PTPRM: variants seen among roughly 807,000 people sequenced by gnomAD.
PTPRM encodes the protein protein tyrosine phosphatase receptor type M.
A neutral mutation model predicts 186.7 loss-of-function variants in PTPRM; 47 were observed. That is an observed-to-expected ratio of 0.25 (90% confidence interval 0.20 to 0.32). The LOEUF is 0.32. Among genes scored for constraint, PTPRM ranks in the 10% least tolerant of loss-of-function variants. The pLI is 1.00. For missense variants in PTPRM, 1,494 were observed against 1,865.0 expected, an observed-to-expected ratio of 0.80 and a Z score of 3.66; for synonymous variants, 668 against 674.9, an observed-to-expected ratio of 0.99 and a Z score of 0.16.
chr18:7,878,750 G>A (rs1407172410), intron 2 of PTPRM, among the ~76,000 whole-genome samples: 2 of 151,780 alleles, frequency 1.3e-5, no homozygotes, highest in African/African-American at 4.8e-5. Flanking sequence ...TTTTTCACAT[G>A]TGGAAAAAAA....
intron 32 of PTPRM, among the ~76,000 whole-genome samples, chr18:8,400,580 T>C (rs2095867043): frequency 6.6e-6 from 1 of 152,182 alleles, no homozygotes; most frequent in Non-Finnish European, 1.5e-5. Context: ...TGCAGTGCCA[T>C]GCGGCGGTGT....
chr18:8,114,397 T>A (rs1453110252), intron 12 of PTPRM, among the ~76,000 whole-genome samples: 2 of 152,180 alleles, frequency 1.3e-5, no homozygotes, highest in East Asian at 3.9e-4. Flanking sequence ...GCAGCATAGG[T>A]CTAGGTATCG....
chr18:7,594,767 C>CT (rs59558729), intron 1 of PTPRM, among the ~76,000 whole-genome samples: 18,628 of 152,066 alleles, frequency 0.12, 2,132 homozygotes, highest in African/African-American at 0.3. Flanking sequence ...ATAATGTGTG[C>CT]TTTTTAAAAA....
chr18:8,347,806 A>G (rs1347957862), intron 23 of PTPRM, among the ~76,000 whole-genome samples: 1 of 151,238 alleles, frequency 6.6e-6, no homozygotes, highest in Non-Finnish European at 1.5e-5. Context: ...AAGGTTATTA[A>G]AAAAAAAAAT....
At chr18:8,036,781 C>T (rs760591791) in intron 7 of PTPRM, among the ~76,000 whole-genome samples, 14 of 152,224 alleles carry the variant, frequency 9.2e-5, no homozygotes, top group Non-Finnish European at 2.9e-5. Context: ...TTAATTTGGG[C>T]GCTTCGCTTG....
At chr18:7,828,814 T>TA (rs2145696736) in intron 2 of PTPRM, among the ~76,000 whole-genome samples, 1 of 152,322 alleles carries the variant, frequency 6.6e-6, no homozygotes, top group South Asian at 2.1e-4. Context: ...CTGTGCTGCA[T>TA]ATATTTAGTG....
intron 1 of PTPRM, among the ~76,000 whole-genome samples, chr18:7,623,735 T>A (rs542803343): frequency 6.6e-6 from 1 of 152,246 alleles, no homozygotes; most frequent in East Asian, 1.9e-4. Context: ...TAAAAATAAC[T>A]CTTATTCACA....
chr18:8,029,251 G>T (rs2085783122), intron 7 of PTPRM, among the ~76,000 whole-genome samples: 1 of 145,670 alleles, frequency 6.9e-6, no homozygotes, highest in Non-Finnish European at 1.5e-5. Flanking sequence ...TGCCTGGAGT[G>T]CCTCCCCCAC....
At chr18:8,205,342 A>T (rs1344869171) in intron 14 of PTPRM, among the ~76,000 whole-genome samples, 1 of 152,132 alleles carries the variant, frequency 6.6e-6, no homozygotes, top group African/African-American at 2.4e-5. Context: ...CATCCCTATT[A>T]TCCCTACATA....
At chr18:8,022,664 G>A (rs1274938963) in intron 7 of PTPRM, among the ~76,000 whole-genome samples, 5 of 151,942 alleles carry the variant, frequency 3.3e-5, no homozygotes, top group East Asian at 1.9e-4. Flanking sequence ...TCCTAACTGC[G>A]CTCCTATTGA....
At chr18:8,014,406 T>G (rs76583273) in intron 7 of PTPRM, among the ~76,000 whole-genome samples, 3,546 of 152,280 alleles carry the variant, frequency 0.023, 138 homozygotes, top group African/African-American at 0.081. Context: ...CCTGGATTAG[T>G]GAATTGTTAA....
chr18:7,687,408 CTT>C (rs1216614077), intron 1 of PTPRM, among the ~76,000 whole-genome samples: 1 of 152,050 alleles, frequency 6.6e-6, no homozygotes, highest in Non-Finnish European at 1.5e-5. Context: ...AATGTAATGA[CTT>C]TACCTATGGT....
At chr18:7,898,051 A>G (rs1341436647) in intron 3 of PTPRM, among the ~76,000 whole-genome samples, 3 of 152,214 alleles carry the variant, frequency 2.0e-5, no homozygotes, top group African/African-American at 7.2e-5. Flanking sequence ...TAACATGTCA[A>G]TACAAACACA....
chr18:8,153,162 C>T (rs1408845242), intron 14 of PTPRM, among the ~76,000 whole-genome samples: 1 of 152,214 alleles, frequency 6.6e-6, no homozygotes, highest in Non-Finnish European at 1.5e-5. Context: ...GACATCCAAA[C>T]TAAACATTTT....
At chr18:8,043,017 C>G (rs1196010761) in intron 7 of PTPRM, among the ~76,000 whole-genome samples, 1 of 152,214 alleles carries the variant, frequency 6.6e-6, no homozygotes, top group Admixed American at 6.5e-5. Flanking sequence ...CCTCAGCCCT[C>G]TGTTCCCCAC....
At chr18:8,039,201 T>C (rs2086537981) in intron 7 of PTPRM, among the ~76,000 whole-genome samples, 1 of 152,162 alleles carries the variant, frequency 6.6e-6, no homozygotes, top group African/African-American at 2.4e-5. Flanking sequence ...TTATTTTATA[T>C]GCATATAAAC....
At chr18:8,396,740 A>C (rs1192474182) in intron 32 of PTPRM, among the ~76,000 whole-genome samples, 1 of 152,322 alleles carries the variant, frequency 6.6e-6, no homozygotes, top group Admixed American at 6.5e-5. Flanking sequence ...GAAATGTAGG[A>C]AAGTTTTGCA....
intron 2 of PTPRM, among the ~76,000 whole-genome samples, chr18:7,886,635 G>A (rs2048801598): frequency 6.6e-6 from 1 of 152,064 alleles, no homozygotes. Context: ...GTAATGGGCT[G>A]GAAACTCAGA....
chr18:7,744,422 A>G (rs2040943767), intron 1 of PTPRM, among the ~76,000 whole-genome samples: 1 of 152,142 alleles, frequency 6.6e-6, no homozygotes, highest in Non-Finnish European at 1.5e-5. Flanking sequence ...AGTAATTATC[A>G]ACTATATTTG....
Sources: allele counts gnomAD v4.1 joint callset (sites outside exome capture counted in the v4.1 genomes callset), GRCh38; gene constraint gnomAD v4.1.1; transcripts MANE v1.5; gene names NCBI Gene and HGNC (gene_info 2026-07-23, HGNC 2026-07-21).